ADAMTSL1: variants seen among roughly 807,000 people sequenced by gnomAD.
ADAMTSL1 encodes the protein ADAMTS-like protein 1.
In ADAMTSL1, 126 loss-of-function variants were observed where a neutral mutation model predicts 201.8. The observed-to-expected ratio is 0.62, with a 90% CI of 0.54 to 0.72. The LOEUF (loss-of-function observed/expected upper bound fraction) is 0.72. ADAMTSL1 is among the 30% of genes least tolerant of loss of function. The pLI is 0.00. For synonymous variants in ADAMTSL1, 1,121 were observed against 903.4 expected, an observed-to-expected ratio of 1.24 and a Z score of -4.32; for missense variants, 2,679 against 2,277.8, an observed-to-expected ratio of 1.18 and a Z score of -3.59.
In ADAMTSL1 at chr9:18,367,186, A is replaced by G. The variant is rs570933696; in HGVS notation, c.208-137643A>G. 8.5e-5 allele frequency among the ~76,000 whole-genome samples: 13 copies of G among 152,324 alleles called. No homozygotes were observed. In the South Asian group the frequency reaches 2.7e-3, roughly 32 times the overall value. On this transcript the variant is annotated intron_variant, in intron 2 of 29. Coordinates refer to the ADAMTSL1 transcript ENST00000680146. ...TTCCTAGCAATGTCCAAGTTGACAA[A>G]GGTTATAGCCAAAAAATAACTGTGA...
chr9:18,026,869 G>A (rs2131595506), intron 1 of ADAMTSL1, among the ~76,000 whole-genome samples: 1 of 151,906 alleles, frequency 6.6e-6, no homozygotes, highest in South Asian at 2.1e-4. Context: ...TTTTATTACT[G>A]ATTCAGTTTC....
chr9:18,107,678 G>A (rs890312155), intron 1 of ADAMTSL1, among the ~76,000 whole-genome samples: 6 of 152,136 alleles, frequency 3.9e-5, no homozygotes, highest in Non-Finnish European at 5.9e-5. Context: ...ATTTTTCTGA[G>A]CTTCGGAGCA....
At chr9:18,527,479 GCCCCTTTTTAAAAAGGCTTAT>G (rs1195058692) in intron 2 of ADAMTSL1, among the ~76,000 whole-genome samples, 1 of 152,114 alleles carries the variant, frequency 6.6e-6, no homozygotes, top group African/African-American at 2.4e-5. Flanking sequence ...TCAAATGCAT[GCCCCTTTTTAAAAAGGCTTAT>G]ATGAGAAGGG....
chr9:18,685,127 T>A, intron 13 of ADAMTSL1, among the ~76,000 whole-genome samples: 1 of 152,320 alleles, frequency 6.6e-6, no homozygotes, highest in Admixed American at 6.5e-5. Flanking sequence ...AACATAGATT[T>A]GATGCCAAAG....
chr9:18,631,954 C>A (rs1233775091), intron 5 of ADAMTSL1, among the ~76,000 whole-genome samples: 3 of 152,094 alleles, frequency 2.0e-5, no homozygotes, highest in Admixed American at 1.3e-4. Context: ...TGAAGACTGG[C>A]ATCATGGTTC....
At chr9:17,954,672 G>C (rs1307554172) in intron 1 of ADAMTSL1, among the ~76,000 whole-genome samples, 1 of 152,100 alleles carries the variant, frequency 6.6e-6, no homozygotes, top group African/African-American at 2.4e-5. Context: ...AATATTTGCT[G>C]TCTTTTCTGT....
At chr9:18,732,672 G>A (rs1294446399) in intron 15 of ADAMTSL1, among the ~76,000 whole-genome samples, 1 of 152,106 alleles carries the variant, frequency 6.6e-6, no homozygotes, top group African/African-American at 2.4e-5. Flanking sequence ...TCTAATGTTT[G>A]TGGGAGGGAA....
At chr9:18,113,271 T>C (rs1008640466) in intron 1 of ADAMTSL1, among the ~76,000 whole-genome samples, 18 of 152,060 alleles carry the variant, frequency 1.2e-4, no homozygotes, top group African/African-American at 2.4e-4. Flanking sequence ...ACAGTGGCAG[T>C]GGTTTTGATG....
intron 1 of ADAMTSL1, among the ~76,000 whole-genome samples, chr9:18,134,664 G>A (rs1826082960): frequency 6.6e-6 from 1 of 152,126 alleles, no homozygotes; most frequent in South Asian, 2.1e-4. Context: ...CAGTGGGTGT[G>A]GTGGTTCTTT....
intron 1 of ADAMTSL1, among the ~76,000 whole-genome samples, chr9:18,061,460 T>C (rs7855468): frequency 0.57 from 86,527 of 152,026 alleles, 25,086 homozygotes; most frequent in South Asian, 0.62. Flanking sequence ...ACAAAATTGA[T>C]GTGAAGATCA....
chr9:18,886,015 GGTGGCTCACTTCT>G (rs1487748927), intron 23 of ADAMTSL1, among the ~76,000 whole-genome samples: 1 of 151,614 alleles, frequency 6.6e-6, no homozygotes, highest in African/African-American at 2.4e-5. Context: ...GGCCAGGTGT[GGTGGCTCACTTCT>G]GTAATCCTTG....
chr9:18,280,873 C>CTTT (rs138455491), intron 2 of ADAMTSL1, among the ~76,000 whole-genome samples: 6,057 of 131,782 alleles, frequency 0.046, 257 homozygotes, highest in Non-Finnish European at 0.073. Context: ...CTGCATTCCG[C>CTTT]TTTTTTTTTT....
chr9:18,169,546 A>C (rs1181417510), intron 2 of ADAMTSL1, among the ~76,000 whole-genome samples: 2 of 152,100 alleles, frequency 1.3e-5, no homozygotes, highest in Non-Finnish European at 2.9e-5. Flanking sequence ...GTATAGTTTG[A>C]AGTCAGGTAG....
At chr9:18,152,796 G>A (rs928475635) in intron 1 of ADAMTSL1, among the ~76,000 whole-genome samples, 7 of 152,018 alleles carry the variant, frequency 4.6e-5, no homozygotes, top group African/African-American at 1.7e-4. Flanking sequence ...AATCAAGGTA[G>A]TGGGCAGGAC....
In ADAMTSL1 at chr9:18,058,703, T is replaced by C. The variant is rs1221963338; in HGVS notation, c.88-105159T>C. Among the ~76,000 whole-genome samples, 4 of 152,196 alleles carry C rather than the reference T, an allele frequency of 2.6e-5. No individual in the cohort carries two copies. In the East Asian group the frequency reaches 7.7e-4, roughly 29 times the overall value. On this transcript the variant is annotated intron_variant, in intron 1 of 29. Transcript: ENST00000680146. ...CCTAACTGAGAAGTCTTTGTCCTTATGTTGTGAATGCACAGAGAGACTATA... is the reference window on the plus strand; with the variant it reads ...CCTAACTGAGAAGTCTTTGTCCTTACGTTGTGAATGCACAGAGAGACTATA...
intron 14 of ADAMTSL1, among the ~76,000 whole-genome samples, chr9:18,709,206 A>G (rs188033043): frequency 2.0e-5 from 3 of 152,292 alleles, no homozygotes. Flanking sequence ...TGCTTGGGTT[A>G]TATGGTCCAT....
intron 15 of ADAMTSL1, among the ~76,000 whole-genome samples, chr9:18,734,718 C>T (rs1019507365): frequency 6.6e-6 from 1 of 152,112 alleles, no homozygotes; most frequent in Non-Finnish European, 1.5e-5. Flanking sequence ...TAACCACGAG[C>T]TGAGTCTCTT....
intron 23 of ADAMTSL1, among the ~76,000 whole-genome samples, chr9:18,845,583 A>T (rs1826054167): frequency 6.6e-6 from 1 of 152,222 alleles, no homozygotes; most frequent in Non-Finnish European, 1.5e-5. Flanking sequence ...CACACATTGC[A>T]GTTGGGCAGT....
chr9:18,009,368 A>C (rs937436002), intron 1 of ADAMTSL1, among the ~76,000 whole-genome samples: 1 of 151,962 alleles, frequency 6.6e-6, no homozygotes, highest in Non-Finnish European at 1.5e-5. Flanking sequence ...TTCTAATAGA[A>C]ACCTAAACAC....
Sources: allele counts gnomAD v4.1 joint callset (sites outside exome capture counted in the v4.1 genomes callset), GRCh38; gene constraint gnomAD v4.1.1; transcripts MANE v1.5; gene names NCBI Gene and HGNC (gene_info 2026-07-23, HGNC 2026-07-21).